Variants in PARD3B observed in about 807,000 individuals in gnomAD.
The protein encoded by PARD3B is par-3 family cell polarity regulator beta.
A neutral mutation model predicts 130.2 loss-of-function variants in PARD3B; 103 were observed. That is an observed-to-expected ratio of 0.79 (90% CI 0.67 to 0.93). The LOEUF is 0.93. Ranked by LOEUF, PARD3B falls within the 40% of genes least tolerant of loss-of-function variation. PARD3B has a pLI of 0.00. For missense variants in PARD3B, 1,609 were observed against 1,499.2 expected, an observed-to-expected ratio of 1.07 and a Z score of -1.21; for synonymous variants, 583 against 553.2, an observed-to-expected ratio of 1.05 and a Z score of -0.76.
At chr2:204,860,995 T>C (rs768231692) in intron 2 of PARD3B, among the ~76,000 whole-genome samples, 1 of 152,122 alleles carries the variant, frequency 6.6e-6, no homozygotes, top group Admixed American at 6.6e-5. Flanking sequence ...CATAATTGAA[T>C]CACTGAATTA....
At chr2:204,883,739 T>C (rs1032550397) in intron 2 of PARD3B, among the ~76,000 whole-genome samples, 10 of 151,318 alleles carry the variant, frequency 6.6e-5, no homozygotes, top group East Asian at 2.0e-4. Context: ...CCACCGCACC[T>C]GGCCTATATA....
At chr2:204,718,901 T>C (rs2038865306) in intron 2 of PARD3B, among the ~76,000 whole-genome samples, 1 of 152,166 alleles carries the variant, frequency 6.6e-6, no homozygotes, top group African/African-American at 2.4e-5. Flanking sequence ...TAATAACACA[T>C]ATATGTATCG....
intron 18 of PARD3B, among the ~76,000 whole-genome samples, chr2:205,313,561 A>G (rs2042462722): frequency 6.6e-6 from 1 of 152,162 alleles, no homozygotes; most frequent in Non-Finnish European, 1.5e-5. Context: ...CGGTAAAATG[A>G]TTTTGTCATA....
intron 16 of PARD3B, among the ~76,000 whole-genome samples, chr2:205,248,146 G>T (rs2039650834): frequency 6.6e-6 from 1 of 151,654 alleles, no homozygotes; most frequent in Non-Finnish European, 1.5e-5. Context: ...TTGCCTTGTT[G>T]CCCAGGTTAG....
chr2:204,781,975 T>A (rs1334032594), intron 2 of PARD3B, among the ~76,000 whole-genome samples: 1 of 152,104 alleles, frequency 6.6e-6, no homozygotes, highest in Non-Finnish European at 1.5e-5. Flanking sequence ...TTTATCTTGT[T>A]CTTTTTTACT....
rs1477020857 is a variant in PARD3B at position 204,689,436 on chromosome 2, T to C, written c.222+3154T>C. Among the ~76,000 whole-genome samples, 1 of 152,202 alleles carries C rather than the reference T, an allele frequency of 6.6e-6. No individual in the cohort carries two copies. Among genetic ancestry groups the C allele is most frequent in the Non-Finnish European group, 1.5e-5 (1 of 68,028 alleles). Reference sequence around the variant, plus strand: ...TAACTATTTGTATAAAATGTTGTGCTGAAACTTAATAATTATCTGGTTGTG... The same window carrying C: ...TAACTATTTGTATAAAATGTTGTGCCGAAACTTAATAATTATCTGGTTGTG... On this transcript the variant is annotated intron_variant, in intron 2 of 22. Coordinates refer to ENST00000406610, the MANE Select transcript of PARD3B (RefSeq NM_001302769.2). This position sits in a 1 kb window ranked among gnomAD's most constrained non-coding sequence, Gnocchi z 5.2.
chr2:204,804,467 C>T (rs1435147250), intron 2 of PARD3B, among the ~76,000 whole-genome samples: 1 of 152,116 alleles, frequency 6.6e-6, no homozygotes, highest in East Asian at 1.9e-4. Context: ...AATATACATG[C>T]ACCCAACAGT....
rs1055397863 is a variant in PARD3B, at chr2:204,677,213, A to C, written c.121-8968A>C. On this transcript the variant is annotated intron_variant, in intron 1 of 22. Coordinates refer to ENST00000406610, the MANE Select transcript of PARD3B (RefSeq NM_001302769.2). This position sits in a 1 kb window ranked among gnomAD's most constrained non-coding sequence, Gnocchi z 4.1. ...AACTTTTACATAAAATATAGTCTCC[A>C]GTGTAATCCAGATACTTCCTCTGGT... Among the ~76,000 whole-genome samples the C allele has an allele frequency of 6.6e-6, 1 of 152,186 alleles. No homozygotes were observed. Among genetic ancestry groups the C allele is most frequent in the African/African-American group, 2.4e-5 (1 of 41,440 alleles).
chr2:204,764,878 C>G (rs1034380608), intron 2 of PARD3B, among the ~76,000 whole-genome samples: 1 of 151,994 alleles, frequency 6.6e-6, no homozygotes, highest in Non-Finnish European at 1.5e-5. Context: ...TGCGCTGGCT[C>G]TTAGATTCAT....
chr2:205,606,253 G>A (rs749466828), intron 22 of PARD3B, among the ~76,000 whole-genome samples: 8 of 152,058 alleles, frequency 5.3e-5, no homozygotes, highest in Non-Finnish European at 7.4e-5. Context: ...ATGGGCTCAC[G>A]AGTGGGATCT....
chr2:205,165,281 G>A (rs1302944845), intron 11 of PARD3B, among the ~76,000 whole-genome samples: 4 of 152,086 alleles, frequency 2.6e-5, no homozygotes, highest in African/African-American at 4.8e-5. Context: ...TGTTATTATT[G>A]TATGGTACAC....
rs1303379518 is a variant in PARD3B at position 205,243,164 on chromosome 2, CT to C, written c.2141-2613del. Among the ~76,000 whole-genome samples, 10 of 150,526 alleles carry C rather than the reference CT, an allele frequency of 6.6e-5. 1 individual carries two copies. Among genetic ancestry groups the C allele is most frequent in the Non-Finnish European group, 1.5e-4 (10 of 67,672 alleles). ...CTGGGCAACAAGAGCGAAACTCCGT[CT>C]CAAAAAAAAAAAAGGAGCTTAGTAA... On this transcript the variant is annotated intron_variant, in intron 15 of 22. Transcript: ENST00000406610.
Position 205,442,321 on chromosome 2 carries a change from C to T in PARD3B, c.3044+1649C>T, listed in dbSNP as rs146368145. Among the ~76,000 whole-genome samples the T allele has an allele frequency of 7.0e-3, 669 of 95,704 alleles. 4 individuals are homozygous for T. Among genetic ancestry groups the T allele is most frequent in the African/African-American group, 0.029 (602 of 20,734 alleles). 62.8% of individuals were successfully genotyped at this position (95,704 alleles called of 152,430 possible). On this transcript the variant is annotated intron_variant, in intron 20 of 22. Coordinates refer to ENST00000406610, the MANE Select transcript of PARD3B (RefSeq NM_001302769.2). ...TTTTTTTTTTTTTTTTTTTTTGAGA[C>T]GGAGTCTCACTCTGTCGACCAGGCT...
At position 205,473,958 on chromosome 2, in the gene PARD3B, A is replaced by G. The variant is rs1034273755; in HGVS notation, c.3045-25938A>G. 1.3e-5 allele frequency among the ~76,000 whole-genome samples: 2 copies of G among 151,466 alleles called. No homozygotes were observed. Among genetic ancestry groups the G allele is most frequent in the African/African-American group, 2.4e-5 (1 of 41,298 alleles). On this transcript the variant is annotated intron_variant, in intron 20 of 22. Transcript: ENST00000406610. The surrounding 1 kb of genome is among the most constrained non-coding windows in gnomAD (Gnocchi z 4.9). ...CCATGTGAAATTTAGAGTAACTCAT[A>G]TTGGTAGGTTTCATTATGGGTCATA...
rs910194602 is a variant in PARD3B, at chr2:204,906,539, C to T, written c.223-58613C>T. ...TGGTGTTTGGACTGTTATTGTTAAT[C>T]ATTTCTTTTGCTCAGTGTGGTATCC... is the stretch of plus-strand genomic sequence containing the variant. On this transcript the variant is annotated intron_variant, in intron 2 of 22. Transcript: ENST00000406610. The surrounding 1 kb of genome is among the most constrained non-coding windows in gnomAD (Gnocchi z 4.3). Among the ~76,000 whole-genome samples the T allele has an allele frequency of 5.3e-5, 8 of 152,152 alleles. No individual in the cohort carries two copies. Among genetic ancestry groups the T allele is most frequent in the East Asian group, 3.9e-4 (2 of 5,184 alleles).
chr2:204,883,417 AATAT>A (rs71408995), intron 2 of PARD3B, among the ~76,000 whole-genome samples: 1 of 105,906 alleles, frequency 9.4e-6, no homozygotes, highest in Non-Finnish European at 1.8e-5. Context: ...ATATATATAT[AATAT>A]ATATATATAT....
At chr2:204,961,390 T>C (rs542344866) in intron 2 of PARD3B, among the ~76,000 whole-genome samples, 1 of 151,912 alleles carries the variant, frequency 6.6e-6, no homozygotes, top group South Asian at 2.1e-4. Flanking sequence ...AGAAAGAGAG[T>C]TGAAGGATTG....
In PARD3B at chr2:204,685,567, C is replaced by T. The variant is rs79309594; in HGVS notation, c.121-614C>T. Among the ~76,000 whole-genome samples, 637 of 152,264 alleles carry T rather than the reference C, an allele frequency of 4.2e-3. 6 individuals carry two copies. Among genetic ancestry groups the T allele is most frequent in the African/African-American group, 0.015 (604 of 41,544 alleles). ...ATTACTACCCCAACTCAGTGAATTC[C>T]CCATTCAACTCTGAACACAGTTTGA... On this transcript the variant is annotated intron_variant, in intron 1 of 22. Transcript: ENST00000406610.
chr2:205,235,349 G>T (rs564208592), intron 15 of PARD3B, among the ~76,000 whole-genome samples: 1 of 152,076 alleles, frequency 6.6e-6, no homozygotes, highest in East Asian at 1.9e-4. Flanking sequence ...CTGAGCCTGG[G>T]AAGTCGACGC....
Sources: allele counts gnomAD v4.1 joint callset (sites outside exome capture counted in the v4.1 genomes callset), GRCh38; gene constraint gnomAD v4.1.1; non-coding constraint Gnocchi (gnomAD v3.1); transcripts MANE v1.5; gene names NCBI Gene and HGNC (gene_info 2026-07-23, HGNC 2026-07-21).